The following SLC9A6 variants were observed in gnomAD, a reference collection of about 807,000 sequenced individuals.
The protein encoded by SLC9A6 is solute carrier family 9 member A6, also known as sodium/hydrogen exchanger 6.
SLC9A6 carries 6 observed loss-of-function variants against 45.3 expected under a neutral mutation model. The observed-to-expected ratio is 0.13, with a 90% CI of 0.07 to 0.26. The LOEUF (loss-of-function observed/expected upper bound fraction) is 0.26. Among genes scored for constraint, SLC9A6 ranks in the 10% least tolerant of loss-of-function variants. The pLI is 1.00. For synonymous variants in SLC9A6, 191 were observed against 187.7 expected (o/e 1.02, Z -0.14); for missense variants, 278 against 503.7 (o/e 0.55, Z 4.29).
chrX:135,998,024 T>A (rs1556616810), intron 3 of SLC9A6, 84 bp from the exon 4 acceptor site: 2 of 553,026 alleles, frequency 3.6e-6, no homozygotes, highest in Non-Finnish European at 6.5e-6. Flanking sequence ...GTTTAACATA[T>A]AGTATTTTTT....
intron 7 of SLC9A6, among the ~76,000 whole-genome samples, chrX:136,007,630 G>C (rs2089678215): frequency 9.0e-6 from 1 of 111,652 alleles, no homozygotes; most frequent in Non-Finnish European, 1.9e-5. Context: ...TAAGATAGTA[G>C]TATACATATA....
chrX:136,032,104 G>C (rs193173061), intron 15 of SLC9A6, among the ~76,000 whole-genome samples: 1 of 111,964 alleles, frequency 8.9e-6, no homozygotes, highest in African/African-American at 3.3e-5. Flanking sequence ...GTTTCACTCT[G>C]TCGGTCATGC....
intron 8 of SLC9A6, among the ~76,000 whole-genome samples, 160 bp from the exon 9 acceptor site, chrX:136,012,789 C>T (rs1006814956): frequency 1.2e-4 from 14 of 112,637 alleles, no homozygotes; most frequent in African/African-American, 4.2e-4. Flanking sequence ...GTAAGATGCT[C>T]ATTTTAAAAG....
intron 7 of SLC9A6, among the ~76,000 whole-genome samples, chrX:136,004,177 C>T (rs1248459770): frequency 1.9e-5 from 2 of 104,727 alleles, no homozygotes; most frequent in Non-Finnish European, 3.9e-5. Flanking sequence ...CAACCTCCAC[C>T]TCCCAGGTTC....
chrX:136,029,072 T>C, intron 14 of SLC9A6, 97 bp downstream of exon 14: 1 of 275,435 alleles, frequency 3.6e-6, no homozygotes, highest in Non-Finnish European at 6.4e-6. Flanking sequence ...CTTGAAGGGG[T>C]CGTAGAATGG....
At chrX:136,002,040 C>G (rs2089591389) in intron 6 of SLC9A6, 68 bp from the exon 7 acceptor site, 1 of 692,656 alleles carries the variant, frequency 1.4e-6, no homozygotes, top group Non-Finnish European at 2.4e-6. Flanking sequence ...CTCTCAGAGT[C>G]ATCTACTGAG....
intron 16 of SLC9A6, among the ~76,000 whole-genome samples, chrX:136,034,419 GCCAAAAGAGTTGGGGA>G (rs1207561175): frequency 9.0e-6 from 1 of 111,629 alleles, no homozygotes; most frequent in Non-Finnish European, 1.9e-5. Context: ...GGTCCCTGGT[GCCAAAAGAGTTGGGGA>G]CCACTGCTTT....
intron 2 of SLC9A6, among the ~76,000 whole-genome samples, chrX:135,992,025 A>G (rs1265924707): frequency 2.7e-5 from 3 of 111,809 alleles, no homozygotes; most frequent in Non-Finnish European, 5.6e-5. Context: ...CCCTCGCTTT[A>G]GCTCCAGATA....
intron 15 of SLC9A6, chrX:136,033,140 G>A: frequency 4.3e-6 from 1 of 234,032 alleles, no homozygotes; most frequent in Non-Finnish European, 7.9e-6. Flanking sequence ...GGGATTACAG[G>A]CATGAGCCAC....
rs1191595115 is a variant in SLC9A6 at position 136,045,846 on chromosome X, A to G, written c.*1122A>G. On this transcript the variant is annotated 3_prime_UTR_variant, in exon 18 of 18. Coordinates refer to ENST00000630721, the MANE Select transcript of SLC9A6 (RefSeq NM_001379110.1). Reference sequence around the variant, plus strand: ...TCATAAGAGAAATCGAATATTCTGGAGCACTGATTGCAGCAGGGTGGCTCC... The same window carrying G: ...TCATAAGAGAAATCGAATATTCTGGGGCACTGATTGCAGCAGGGTGGCTCC... The G allele has an allele frequency of 8.9e-6, 1 of 112,012 alleles. No individual in the cohort carries two copies. Among genetic ancestry groups the G allele is most frequent in the African/African-American group, 3.3e-5 (1 of 30,769 alleles). 9.2% of individuals were successfully genotyped at this position (112,012 alleles called of 1,213,427 possible).
Position 136,023,175 on chromosome X carries a change from A to G in SLC9A6, c.1306+478A>G, listed in dbSNP as rs1353843512. On this transcript the variant is annotated intron_variant, in intron 12 of 17. Transcript: ENST00000630721. The stretch of plus-strand genomic sequence containing the variant: ...AGAAAAAGAAAATGTATATATATAT[A>G]TATATATATATATATATATATATAT... 6.4e-3 allele frequency among the ~76,000 whole-genome samples: 46 copies of G among 7,178 alleles called. 1 individual carries two copies. Among genetic ancestry groups the G allele is most frequent in the Middle Eastern group, 0.05 (1 of 20 alleles). 6.2% of individuals were successfully genotyped at this position (7,178 alleles called of 115,157 possible).
chrX:136,000,300 A>G (rs1371756876), intron 6 of SLC9A6, among the ~76,000 whole-genome samples: 1 of 104,271 alleles, frequency 9.6e-6, no homozygotes, highest in African/African-American at 3.4e-5. Context: ...AGGATTAGTT[A>G]GAGGGCCATT....
chrX:136,018,189 A>G (rs1211994346), intron 11 of SLC9A6, among the ~76,000 whole-genome samples: 1 of 112,062 alleles, frequency 8.9e-6, no homozygotes, highest in African/African-American at 3.2e-5. Flanking sequence ...GTTAGGGACT[A>G]TCTTGGGGGA....
intron 16 of SLC9A6, among the ~76,000 whole-genome samples, chrX:136,037,556 ATATTTATT>A (rs781891851): frequency 1.8e-4 from 20 of 110,309 alleles, no homozygotes; most frequent in Admixed American, 5.8e-4. Flanking sequence ...AGAAAATTGG[ATATTTATT>A]TATTTATTTA....
At chrX:135,986,288 A>G (rs1487926722) in intron 2 of SLC9A6, among the ~76,000 whole-genome samples, 3 of 110,683 alleles carry the variant, frequency 2.7e-5, no homozygotes, top group African/African-American at 9.9e-5. Flanking sequence ...TTTTGGAGCC[A>G]GAGTCGACCT....
chrX:135,984,604 G>T (rs1244499019), upstream of SLC9A6, among the ~76,000 whole-genome samples: 3 of 111,744 alleles, frequency 2.7e-5, no homozygotes. Flanking sequence ...GGTTGGACAG[G>T]CTGAGAACAG....
rs201931201 is a variant in SLC9A6 at position 136,029,768 on chromosome X, GCCAT to G, written c.1551-361_1551-358del. 6.5e-3 allele frequency: 1,681 copies of G among 258,622 alleles called. 21 individuals carry two copies. Among genetic ancestry groups the G allele is most frequent in the African/African-American group, 0.042 (1,517 of 35,853 alleles). The allele number at this position is 258,622 out of a possible 1,213,427, so 21.3% of individuals were successfully genotyped here. On this transcript the variant is annotated intron_variant, in intron 14 of 17. Transcript: ENST00000630721. ...AGAGCTGCGAAGTGAATTGCACTGTGCCATCCTTGTTTTTGGAGCTAGCCAGTAA... is the reference window on the plus strand; with the variant it reads ...AGAGCTGCGAAGTGAATTGCACTGTGCCTTGTTTTTGGAGCTAGCCAGTAA...
At chrX:135,980,284 G>A (rs1308810907), upstream of SLC9A6, among the ~76,000 whole-genome samples, 2 of 109,522 alleles carry the variant, frequency 1.8e-5, no homozygotes, top group Non-Finnish European at 3.8e-5. Context: ...TGCAATCTCG[G>A]CTCACTGCAA....
rs1556620031 is a variant in SLC9A6 at position 136,022,618 on chromosome X, T to C, written c.1227T>C (p.Ile409=). The C allele has an allele frequency of 3.4e-6, 4 of 1,193,610 alleles. No individual in the cohort carries two copies. Among genetic ancestry groups the C allele is most frequent in the Non-Finnish European group, 4.5e-6 (4 of 882,460 alleles). The change falls in exon 12 of 18, where the codon ATT becomes ATC. Residue 409 remains isoleucine, a synonymous_variant. Transcript: ENST00000630721. The part of the protein sequence containing the change: ...VAIFLGRAAN[I]YPLSLLLNLG... ...TTTTCTTGGGAAGAGCTGCCAATATTTACCCCTTGTCCCTCTTACTTAATT... is the reference window on the plus strand; with the variant it reads ...TTTTCTTGGGAAGAGCTGCCAATATCTACCCCTTGTCCCTCTTACTTAATT...
Sources: gnomAD v4.1 joint callset for allele counts (sites outside exome capture counted in the v4.1 genomes callset) on GRCh38, gnomAD v4.1.1 for gene constraint, MANE v1.5 for transcripts, NCBI Gene and HGNC (gene_info 2026-07-23, HGNC 2026-07-21) for gene names.